LUM: variants seen among roughly 807,000 people sequenced by gnomAD.
The protein encoded by LUM is lumican.
A neutral mutation model predicts 20.5 loss-of-function variants in LUM; 13 were observed. That is an observed-to-expected ratio of 0.63 (90% CI 0.41 to 1.01). The LOEUF (loss-of-function observed/expected upper bound fraction) is 1.01, where lower values mean the gene tolerates loss of function less well. Ranked by LOEUF, LUM falls within the 50% of genes least tolerant of loss-of-function variation. The pLI is 0.00. For synonymous variants in LUM, 173 were observed against 151.5 expected (o/e 1.14, Z -1.04); for missense variants, 321 against 391.1 (o/e 0.82, Z 1.51).
chr12:91,108,664 T>G lies in LUM; in HGVS notation c.316A>C (p.Lys106Gln). The G allele has an allele frequency of 6.2e-7, 1 of 1,613,990 alleles. No homozygotes were observed. The highest frequency in any genetic ancestry group is 8.5e-7 in the Non-Finnish European group (1 of 1,179,872). ...TTAGAGAAAACTCTCCCTTTTATCTTGGAGTTTTCTAGAAGGTTGTGATCT... is the reference window on the plus strand; with the variant it reads ...TTAGAGAAAACTCTCCCTTTTATCTGGGAGTTTTCTAGAAGGTTGTGATCT... Reference protein sequence around the residue: ...ILDHNLLENSKIKGRVFSKLK... With the variant: ...ILDHNLLENSQIKGRVFSKLK... Residue 106 changes from lysine to glutamine, a missense_variant, in exon 2 of 3, where the codon AAG (lysine) becomes CAG (glutamine). Coordinates refer to ENST00000266718, the MANE Select transcript of LUM (RefSeq NM_002345.4). This position sits in a 1 kb window ranked among gnomAD's most constrained non-coding sequence, Gnocchi z 4.2.
chr12:91,102,913 A>G lies in LUM; in HGVS notation c.*1252T>C, dbSNP rs1748211337. 1 of 152,132 alleles carries G rather than the reference A, an allele frequency of 6.6e-6. No homozygotes were observed. The highest frequency in any genetic ancestry group is 1.5e-5 in the Non-Finnish European group (1 of 67,974). The allele number at this position is 152,132 out of a possible 1,614,324, so 9.4% of individuals were successfully genotyped here. A position where few individuals can be genotyped will look rare whatever the true frequency, so the allele number is the denominator to read the frequency against. ...CTTAGAGATACATTTTATTTGTACTAGACACATATTTGACTATATATACAC... is the reference window on the plus strand; with the variant it reads ...CTTAGAGATACATTTTATTTGTACTGGACACATATTTGACTATATATACAC... On this transcript the variant is annotated 3_prime_UTR_variant, in exon 3 of 3. Coordinates refer to ENST00000266718, the MANE Select transcript of LUM (RefSeq NM_002345.4).
At chr12:91,105,675 GA>G (rs1408968997) in intron 2 of LUM, among the ~76,000 whole-genome samples, 2 of 152,128 alleles carry the variant, frequency 1.3e-5, no homozygotes, top group Non-Finnish European at 2.9e-5. Flanking sequence ...AGAAAGAAAG[GA>G]AACTATTATG....
At position 91,107,319 on chromosome 12, in the gene LUM, A is replaced by AAG. The variant is rs1299849660; in HGVS notation, c.862+797_862+798dup. ...AAAGAAAGAAAGAAAGAAAGAAAGAAAGAAAGAAAGAAAGAAAGAAAGAAA... is the reference window on the plus strand; with the variant it reads ...AAAGAAAGAAAGAAAGAAAGAAAGAAAGAGAAAGAAAGAAAGAAAGAAAGAAA... On this transcript the variant is annotated intron_variant, in intron 2 of 2. Transcript: ENST00000266718. Among the ~76,000 whole-genome samples the AAG allele has an allele frequency of 1.2e-3, 169 of 139,650 alleles. 3 individuals carry two copies. Among genetic ancestry groups the AAG allele is most frequent in the African/African-American group, 4.3e-3 (151 of 34,792 alleles). 91.6% of individuals were successfully genotyped at this position (139,650 alleles called of 152,430 possible).
Position 91,108,337 on chromosome 12 carries a change from T to G in LUM, c.643A>C (p.Asn215His), listed in dbSNP as rs1249371613. The G allele has an allele frequency of 5.6e-6, 9 of 1,614,174 alleles. No individual in the cohort carries two copies. Among genetic ancestry groups the G allele is most frequent in the Non-Finnish European group, 7.6e-6 (9 of 1,180,014 alleles). ...VSLLTLYLDN[N>H]KISNIPDEYF... Reference sequence around the variant, plus strand: ...TCATCAGGGATGTTGCTGATCTTATTGTTGTCTAAGTAGAGAGTTAGAAGA... The same window carrying G: ...TCATCAGGGATGTTGCTGATCTTATGGTTGTCTAAGTAGAGAGTTAGAAGA... The change falls in exon 2 of 3, where the codon AAT (asparagine) becomes CAT (histidine). Residue 215 changes from asparagine to histidine, a missense_variant. Coordinates refer to ENST00000266718, the MANE Select transcript of LUM (RefSeq NM_002345.4). The surrounding 1 kb of genome is among the most constrained non-coding windows in gnomAD (Gnocchi z 4.2).
rs74477702 is a variant in LUM at position 91,110,215 on chromosome 12, A to G, written c.-22+1183T>C. Among the ~76,000 whole-genome samples, 428 of 152,326 alleles carry G rather than the reference A, an allele frequency of 2.8e-3. 2 individuals are homozygous for G. The highest frequency in any genetic ancestry group is 6.8e-3 in the Middle Eastern group (2 of 294). On this transcript the variant is annotated intron_variant, in intron 1 of 2. Transcript: ENST00000266718. The stretch of plus-strand genomic sequence containing the variant: ...TGACGAAAGATCTACATTCTAATAG[A>G]TAACTGAGAATATTATATCTTTCTA...
chr12:91,107,330 AAAGAAAGAAAGAAAGG>A (rs1880099825), intron 2 of LUM, among the ~76,000 whole-genome samples: 3 of 143,498 alleles, frequency 2.1e-5, no homozygotes, highest in South Asian at 4.8e-4. Context: ...AGAAAGAAAG[AAAGAAAGAAAGAAAGG>A]GAAAGAAAGG....
At chr12:91,109,355 C>A (rs879627235) in intron 1 of LUM, among the ~76,000 whole-genome samples, 1 of 152,052 alleles carries the variant, frequency 6.6e-6, no homozygotes, top group Non-Finnish European at 1.5e-5. Flanking sequence ...TGCTTCAGAT[C>A]ATCTCTCAAA....
intron 2 of LUM, among the ~76,000 whole-genome samples, chr12:91,105,817 G>A (rs978262037): frequency 4.6e-5 from 7 of 152,112 alleles, no homozygotes; most frequent in Non-Finnish European, 5.9e-5. Context: ...ACCTTCAAAT[G>A]TGCCTACTTC....
chr12:91,103,928 A>C lies in LUM; in HGVS notation c.*237T>G. 1 of 358,758 alleles carries C rather than the reference A, an allele frequency of 2.8e-6. No homozygotes were observed. The highest frequency in any genetic ancestry group is 4.3e-5 in the South Asian group (1 of 23,456). The allele number at this position is 358,758 out of a possible 1,614,324, so 22.2% of individuals were successfully genotyped here. ...ACATCATTTGACAGTAGAAATAAAA[A>C]AACACTAAATTTACAAATAAAGCAT... On this transcript the variant is annotated 3_prime_UTR_variant, in exon 3 of 3. Transcript: ENST00000266718.
intron 2 of LUM, among the ~76,000 whole-genome samples, chr12:91,107,289 GA>G (rs1565758430): frequency 2.7e-5 from 2 of 72,728 alleles, no homozygotes; most frequent in Non-Finnish European, 5.6e-5. Flanking sequence ...GAAAGAAAGA[GA>G]AAGAAAGAAA....
At chr12:91,106,268 T>G (rs921341998) in intron 2 of LUM, among the ~76,000 whole-genome samples, 1 of 152,208 alleles carries the variant, frequency 6.6e-6, no homozygotes, top group Non-Finnish European at 1.5e-5. Context: ...AGCAATACCT[T>G]TATTCAGCAT....
chr12:91,106,754 T>C (rs554669873), intron 2 of LUM, among the ~76,000 whole-genome samples: 50 of 148,652 alleles, frequency 3.4e-4, no homozygotes, highest in African/African-American at 1.1e-3. Context: ...TCTTTAATCT[T>C]CTTCACAGTC....
At chr12:91,106,936 C>T (rs1425394920) in intron 2 of LUM, among the ~76,000 whole-genome samples, 1 of 151,546 alleles carries the variant, frequency 6.6e-6, no homozygotes, top group Admixed American at 6.6e-5. Context: ...CTTTGGGAGG[C>T]CAAGGCAGAT....
chr12:91,102,660 G>A lies in LUM; in HGVS notation c.*1505C>T, dbSNP rs1004920245. On this transcript the variant is annotated 3_prime_UTR_variant, in exon 3 of 3. Transcript: ENST00000266718. ...TACATTATAGTTTTATCGAGAAAAA[G>A]TAGATTTCAAGTTTAAACCAACAAA... 6.6e-6 allele frequency: 1 copy of A among 152,040 alleles called. No individual in the cohort carries two copies. Among genetic ancestry groups the A allele is most frequent in the Non-Finnish European group, 1.5e-5 (1 of 67,960 alleles). 9.4% of individuals were successfully genotyped at this position (152,040 alleles called of 1,614,324 possible). A position where few individuals can be genotyped will look rare whatever the true frequency, so the allele number is the denominator to read the frequency against.
rs200667565 is a variant in LUM at position 91,108,389 on chromosome 12, G to A, written c.591C>T (p.Ala197=). ...EYLDLSFNQI[A]RLPSGLPVSL... is the part of the protein sequence containing the mutation. ...AGACAGGGAGACCAGAAGGCAGTCT[G>A]GCTATCTGATTGAAGCTCAAGTCAA... is the stretch of plus-strand genomic sequence containing the variant. The change falls in exon 2 of 3, where the codon GCC becomes GCT. Residue 197 remains alanine, a synonymous_variant. Coordinates refer to ENST00000266718, the MANE Select transcript of LUM (RefSeq NM_002345.4). This position sits in a 1 kb window ranked among gnomAD's most constrained non-coding sequence, Gnocchi z 4.2. 231 of 1,614,064 alleles carry A rather than the reference G, an allele frequency of 1.4e-4. No individual in the cohort carries two copies. Among genetic ancestry groups the A allele is most frequent in the Non-Finnish European group, 1.9e-4 (220 of 1,180,026 alleles).
intron 2 of LUM, among the ~76,000 whole-genome samples, chr12:91,107,212 A>AGAGAAAG: frequency 7.0e-6 from 1 of 143,040 alleles, no homozygotes; most frequent in East Asian, 2.0e-4. Flanking sequence ...AGAAAGAAAG[A>AGAGAAAG]AAGAGAGAAA....
At position 91,108,848 on chromosome 12, in the gene LUM, AG is replaced by A; in HGVS notation, c.131del (p.Pro44LeufsTer13). On this transcript the variant is annotated frameshift_variant, in exon 2 of 3. Coordinates refer to ENST00000266718, the MANE Select transcript of LUM (RefSeq NM_002345.4). LOFTEE classifies it high-confidence loss of function. This position sits in a 1 kb window ranked among gnomAD's most constrained non-coding sequence, Gnocchi z 4.2. ...AGTACATGGCACTTGGGTAGCTTTC[AG>A]GGCAGTTACATTCTGGTGCACAGTT... Reference protein sequence around the residue: ...SPNCAPECNCPESYPSAMYCD... With the variant: ...SPNCAPECNCXESYPSAMYCD... 1 of 1,614,108 alleles carries A rather than the reference AG, an allele frequency of 6.2e-7. No homozygotes were observed. Among genetic ancestry groups the A allele is most frequent in the Non-Finnish European group, 8.5e-7 (1 of 1,180,024 alleles).
In LUM at chr12:91,108,617, C is replaced by A. The variant is rs745924489; in HGVS notation, c.363G>T (p.Leu121=). 6.2e-7 allele frequency: 1 copy of A among 1,613,630 alleles called. No homozygotes were observed. Among genetic ancestry groups the A allele is most frequent in the Non-Finnish European group, 8.5e-7 (1 of 1,179,872 alleles). ...VFSKLKQLKK[L]HINHNNLTES... The stretch of plus-strand genomic sequence containing the variant: ...CTGTCAGGTTGTTGTGGTTTATATG[C>A]AGCTTCTTCAGTTGTTTCAATTTAG... Residue 121 remains leucine, a synonymous_variant, in exon 2 of 3, where the codon CTG becomes CTT. Transcript: ENST00000266718. This position sits in a 1 kb window ranked among gnomAD's most constrained non-coding sequence, Gnocchi z 4.2.
At position 91,108,747 on chromosome 12, in the gene LUM, A is replaced by C; in HGVS notation, c.233T>G (p.Ile78Ser). Residue 78 changes from isoleucine (I) to serine (S), a missense_variant, in exon 2 of 3, where the codon ATT becomes AGT. Transcript: ENST00000266718. The surrounding 1 kb of genome is among the most constrained non-coding windows in gnomAD (Gnocchi z 4.2). ...AAAGGCCTTTTCATCAATATGGTCA[A>C]TCTGGTTATTCCTAAGGTAAAGATA... is the stretch of plus-strand genomic sequence containing the variant. ...IKYLYLRNNQ[I>S]DHIDEKAFEN... 6.2e-7 allele frequency: 1 copy of C among 1,614,096 alleles called. No homozygotes were observed. The highest frequency in any genetic ancestry group is 2.2e-5 in the East Asian group (1 of 44,860).
Sources: gnomAD v4.1 joint callset for allele counts (sites outside exome capture counted in the v4.1 genomes callset) on GRCh38, gnomAD v4.1.1 for gene constraint, Gnocchi (gnomAD v3.1) non-coding constraint, MANE v1.5 for transcripts, NCBI Gene and HGNC (gene_info 2026-07-23, HGNC 2026-07-21) for gene names.